NRXN3: variants seen among roughly 807,000 people sequenced by gnomAD.
The protein encoded by NRXN3 is neurexin 3.
Under a neutral mutation model 137.6 loss-of-function variants are expected in NRXN3, and 32 were observed. The ratio of observed to expected loss-of-function variants is 0.23; its 90% confidence interval spans 0.18 to 0.31. The LOEUF is 0.31. NRXN3 is among the 10% of genes least tolerant of loss of function. The pLI is 1.00. For synonymous variants in NRXN3, 798 were observed against 784.5 expected, an observed-to-expected ratio of 1.02 and a Z score of -0.29; for missense variants, 1,574 against 2,062.5, an observed-to-expected ratio of 0.76 and a Z score of 4.59.
At position 78,205,519 on chromosome 14, in the gene NRXN3, C is replaced by T. The variant is rs144254721; in HGVS notation, c.-704+34845C>T. ...CTCTTTGAGTAGTAGGATTGGGCTT[C>T]CTGGAGGAATTGAGGTGAAAGATCA... On this transcript the variant is annotated intron_variant, in intron 1 of 20. Transcript: ENST00000335750. 1.6e-3 allele frequency among the ~76,000 whole-genome samples: 250 copies of T among 152,300 alleles called. 3 individuals are homozygous for T. Among genetic ancestry groups the T allele is most frequent in the African/African-American group, 5.8e-3 (241 of 41,560 alleles).
chr14:78,349,462 C>T (rs1052984105), intron 4 of NRXN3, among the ~76,000 whole-genome samples: 4 of 152,206 alleles, frequency 2.6e-5, no homozygotes, highest in Admixed American at 1.3e-4. Flanking sequence ...GGAGCCCTTT[C>T]TTCCTTTCCG....
intron 7 of NRXN3, 74 bp from the exon 8 acceptor site, chr14:78,714,681 GC>G (rs2098423730): frequency 2.0e-6 from 3 of 1,529,492 alleles, no homozygotes; most frequent in Non-Finnish European, 2.7e-6. Context: ...GCTGGGCTCA[GC>G]ACTCACCTGT....
At chr14:78,203,943 GA>G (rs754047835) in intron 1 of NRXN3, among the ~76,000 whole-genome samples, 4 of 151,222 alleles carry the variant, frequency 2.6e-5, no homozygotes, top group Non-Finnish European at 5.9e-5. Flanking sequence ...TGTGTTGTCT[GA>G]TTTTTTTTTC....
chr14:79,784,355 A>T (rs1055708794), intron 19 of NRXN3, among the ~76,000 whole-genome samples: 6 of 152,190 alleles, frequency 3.9e-5, no homozygotes, highest in African/African-American at 1.4e-4. Context: ...TGAAGAAAGC[A>T]ACTGAGTTGT....
intron 8 of NRXN3, among the ~76,000 whole-genome samples, chr14:78,769,802 G>A (rs1327645965): frequency 9.2e-5 from 14 of 152,202 alleles, no homozygotes; most frequent in Non-Finnish European, 2.1e-4. Flanking sequence ...GTAGCCATTT[G>A]AGAGGCAGAA....
At chr14:79,642,260 G>A (rs1050240494) in intron 16 of NRXN3, among the ~76,000 whole-genome samples, 5 of 135,432 alleles carry the variant, frequency 3.7e-5, no homozygotes, top group African/African-American at 9.8e-5. Context: ...TAGAGATTCT[G>A]TTCCACTTAG....
At chr14:78,228,142 C>T (rs1254486019) in intron 1 of NRXN3, among the ~76,000 whole-genome samples, 1 of 150,430 alleles carries the variant, frequency 6.6e-6, no homozygotes, top group African/African-American at 2.4e-5. Flanking sequence ...TGGGAGAAAT[C>T]GCTGAATTTT....
chr14:79,345,179 G>A (rs148615096), intron 15 of NRXN3, among the ~76,000 whole-genome samples: 2,648 of 152,170 alleles, frequency 0.017, 35 homozygotes, highest in South Asian at 0.026. Context: ...TGTGGTCTCT[G>A]TGGCACTGAG....
At chr14:78,521,247 A>G (rs751862618) in intron 4 of NRXN3, among the ~76,000 whole-genome samples, 1 of 152,140 alleles carries the variant, frequency 6.6e-6, no homozygotes, top group Non-Finnish European at 1.5e-5. Context: ...TATATATTAA[A>G]AGCATAAGCC....
chr14:79,151,405 A>G (rs1197020051), intron 15 of NRXN3, among the ~76,000 whole-genome samples: 1 of 152,072 alleles, frequency 6.6e-6, no homozygotes. Context: ...AACCATAGCA[A>G]GTATGGCAGG....
chr14:79,499,058 C>G (rs1874153695), intron 16 of NRXN3, among the ~76,000 whole-genome samples: 1 of 152,190 alleles, frequency 6.6e-6, no homozygotes, highest in South Asian at 2.1e-4. Context: ...AATCTTTTCT[C>G]CTCAAAGAAG....
intron 15 of NRXN3, among the ~76,000 whole-genome samples, chr14:79,287,130 C>G (rs2082398179): frequency 6.6e-6 from 1 of 152,146 alleles, no homozygotes; most frequent in African/African-American, 2.4e-5. Flanking sequence ...ATTTTCCTAT[C>G]TATACATACA....
chr14:78,943,740 G>C (rs986175475), intron 10 of NRXN3, among the ~76,000 whole-genome samples: 1 of 141,094 alleles, frequency 7.1e-6, no homozygotes, highest in Non-Finnish European at 1.5e-5. Flanking sequence ...TCTTGGACAA[G>C]GTGGCAGGGT....
chr14:79,656,419 A>G (rs2098505837), intron 16 of NRXN3, among the ~76,000 whole-genome samples: 1 of 152,178 alleles, frequency 6.6e-6, no homozygotes. Context: ...GGGGTCTGTG[A>G]ATGAGAAGTG....
chr14:78,909,349 G>T (rs1327572978), intron 10 of NRXN3, among the ~76,000 whole-genome samples: 1 of 152,006 alleles, frequency 6.6e-6, no homozygotes, highest in Non-Finnish European at 1.5e-5. Context: ...CAGTTTTTTG[G>T]GCTGCTCAAG....
chr14:78,783,836 G>GA (rs1364150689), intron 8 of NRXN3, among the ~76,000 whole-genome samples: 1 of 152,088 alleles, frequency 6.6e-6, no homozygotes, highest in Non-Finnish European at 1.5e-5. Flanking sequence ...GAAGGCCATG[G>GA]AAAAGGGTGG....
intron 14 of NRXN3, among the ~76,000 whole-genome samples, chr14:78,978,200 T>C (rs796858671): frequency 2.0e-5 from 3 of 152,286 alleles, no homozygotes; most frequent in African/African-American, 4.8e-5. Context: ...CTGAACATGC[T>C]TGAGAAGAGT....
chr14:78,474,497 G>C (rs1244367592), intron 4 of NRXN3, among the ~76,000 whole-genome samples: 1 of 32,718 alleles, frequency 3.1e-5, no homozygotes, highest in East Asian at 9.6e-4. Context: ...CCACTGTGCT[G>C]GCTCAACTTA....
intron 4 of NRXN3, among the ~76,000 whole-genome samples, chr14:78,473,437 T>G (rs1599131228): frequency 6.6e-6 from 1 of 151,398 alleles, no homozygotes; most frequent in East Asian, 1.9e-4. Context: ...CTTTCTTTTG[T>G]GAAACTTCTT....
Sources: allele counts gnomAD v4.1 joint callset (sites outside exome capture counted in the v4.1 genomes callset), GRCh38; gene constraint gnomAD v4.1.1; transcripts MANE v1.5; gene names NCBI Gene and HGNC (gene_info 2026-07-23, HGNC 2026-07-21).